Variants in MTCL1 observed in about 807,000 individuals in gnomAD.
MTCL1 encodes the protein microtubule cross-linking factor 1.
In MTCL1, 79 loss-of-function variants were observed where a neutral mutation model predicts 141.4. The ratio of observed to expected loss-of-function variants is 0.56; its 90% CI spans 0.47 to 0.67. The LOEUF is 0.67. Among genes scored for constraint, MTCL1 ranks in the 30% least tolerant of loss-of-function variants. The probability of loss-of-function intolerance (pLI) is 0.00; values close to 1 mark genes in which losing one functional copy is unlikely to be tolerated. For synonymous variants in MTCL1, 914 were observed against 875.8 expected, an observed-to-expected ratio of 1.04 and a Z score of -0.77; for missense variants, 2,177 against 2,113.9, an observed-to-expected ratio of 1.03 and a Z score of -0.59.
At position 8,812,841 on chromosome 18, in the gene MTCL1, A is replaced by C. The variant is rs549319869; in HGVS notation, c.2605-138A>C. 1,256 of 1,108,852 alleles carry C rather than the reference A, an allele frequency of 1.1e-3. 22 individuals carry two copies. The South Asian group carries it at 0.02, about 18-fold the overall frequency. 68.7% of individuals were successfully genotyped at this position (1,108,852 alleles called of 1,614,324 possible). On this transcript the variant is annotated intron_variant, in intron 11 of 16. Transcript: ENST00000359865. ...GCTCTTAATTAGGACTTTAAAAATA[A>C]AATTTGTTTATACTGTGGGATTGGT... is the stretch of plus-strand genomic sequence containing the variant.
intron 4 of MTCL1, among the ~76,000 whole-genome samples, chr18:8,756,487 A>G (rs148888567): frequency 0.011 from 1,619 of 149,736 alleles, 33 homozygotes; most frequent in African/African-American, 0.034. Context: ...ATATGTGTGT[A>G]TATATGTATA....
At chr18:8,758,946 C>G (rs150755352) in intron 4 of MTCL1, among the ~76,000 whole-genome samples, 16 of 152,284 alleles carry the variant, frequency 1.1e-4, no homozygotes, top group African/African-American at 3.9e-4. Flanking sequence ...TTAGTGAAAT[C>G]CAGTTGAAAC....
chr18:8,816,703 C>G (rs972900603), intron 12 of MTCL1, among the ~76,000 whole-genome samples: 8 of 87,048 alleles, frequency 9.2e-5, no homozygotes, highest in Non-Finnish European at 1.6e-4. Context: ...AAACTCCATT[C>G]TTTTAAAACC....
chr18:8,831,756 G>A, exon 17 of MTCL1: 1 of 1,550,420 alleles, frequency 6.4e-7, no homozygotes, highest in Non-Finnish European at 8.7e-7. Flanking sequence ...CGTCCTTGGA[G>A]GAGCATGGTG....
At chr18:8,714,388 A>G (rs974752911), upstream of MTCL1, among the ~76,000 whole-genome samples, 2 of 152,224 alleles carry the variant, frequency 1.3e-5, no homozygotes, top group African/African-American at 4.8e-5. Flanking sequence ...TATGAATTAT[A>G]AGAGCAGTGA....
rs2077032290 is a variant in MTCL1, at chr18:8,826,509, C to T, written c.4722+277C>T. ...TGTCACCAGTCTTAAGTGATTGATC[C>T]TTATTTATCAGGGCATTTTATTTGG... On this transcript the variant is annotated intron_variant, in intron 15 of 16. Coordinates refer to ENST00000359865, the Ensembl canonical transcript of MTCL1. Among the ~76,000 whole-genome samples, 2 of 152,104 alleles carry T rather than the reference C, an allele frequency of 1.3e-5. 1 individual carries two copies. Among genetic ancestry groups the T allele is most frequent in the South Asian group, 4.1e-4 (2 of 4,830 alleles).
chr18:8,711,059 T>C (rs1421897239), intron 1 of MTCL1, among the ~76,000 whole-genome samples: 1 of 151,674 alleles, frequency 6.6e-6, no homozygotes, highest in East Asian at 1.9e-4. Context: ...TCCTCGACAG[T>C]CCCCAGAGTG....
At position 8,824,694 on chromosome 18, in the gene MTCL1, C is replaced by A. The variant is rs201913027; in HGVS notation, c.3189-5C>A. Reference sequence around the variant, plus strand: ...TACTGACACCCTCTTTTCTGCTTTTCCCAGGGCGGTGTCCGTGTCCTCCAT... The same window carrying A: ...TACTGACACCCTCTTTTCTGCTTTTACCAGGGCGGTGTCCGTGTCCTCCAT... On this transcript the variant is annotated splice_region_variant and splice_polypyrimidine_tract_variant and intron_variant, in intron 14 of 16. Coordinates refer to ENST00000359865, the Ensembl canonical transcript of MTCL1. 2 of 1,603,590 alleles carry A rather than the reference C, an allele frequency of 1.2e-6. No individual in the cohort carries two copies. The highest frequency in any genetic ancestry group is 1.3e-5 in the African/African-American group (1 of 74,910).
chr18:8,829,514 G>A (rs945735157), intron 16 of MTCL1: 129 of 953,612 alleles, frequency 1.4e-4, no homozygotes, highest in Non-Finnish European at 1.6e-4. Context: ...ATAAATATTT[G>A]TTGAATGAAT....
chr18:8,723,031 G>A (rs2096183794), intron 4 of MTCL1, among the ~76,000 whole-genome samples: 1 of 152,210 alleles, frequency 6.6e-6, no homozygotes. Flanking sequence ...AGAGAACGGA[G>A]AGGGATCAGC....
chr18:8,784,708 G>A (rs759977675), exon 6 of MTCL1: 3 of 1,614,236 alleles, frequency 1.9e-6, no homozygotes, highest in Middle Eastern at 1.6e-4. Flanking sequence ...TCCTGGAGCA[G>A]GTGAACCGCA....
intron 14 of MTCL1, among the ~76,000 whole-genome samples, chr18:8,824,305 C>T (rs1199117492): frequency 6.6e-6 from 1 of 152,224 alleles, no homozygotes; most frequent in Non-Finnish European, 1.5e-5. Context: ...GGCAGCTTGC[C>T]AAAACCTGGC....
At chr18:8,713,587 C>T (rs1244305314), upstream of MTCL1, among the ~76,000 whole-genome samples, 1 of 152,192 alleles carries the variant, frequency 6.6e-6, no homozygotes, top group Admixed American at 6.5e-5. Context: ...ATAGTTTTTG[C>T]TTTTCAGATG....
chr18:8,806,181 C>T (rs1415760528), intron 10 of MTCL1, among the ~76,000 whole-genome samples: 1 of 152,106 alleles, frequency 6.6e-6, no homozygotes, highest in Non-Finnish European at 1.5e-5. Context: ...CAAGGGACCA[C>T]AATAAAGCCT....
At chr18:8,734,512 T>G (rs2096266582) in intron 4 of MTCL1, among the ~76,000 whole-genome samples, 1 of 152,092 alleles carries the variant, frequency 6.6e-6, no homozygotes, top group Non-Finnish European at 1.5e-5. Context: ...TCTAGCTGAT[T>G]GATGAGATGG....
chr18:8,733,059 G>A (rs1235199900), intron 4 of MTCL1, among the ~76,000 whole-genome samples: 4 of 152,182 alleles, frequency 2.6e-5, no homozygotes, highest in East Asian at 1.9e-4. Flanking sequence ...CAACAGTTGC[G>A]GGTAGACCGT....
At chr18:8,718,708 C>G (rs1189167091) in intron 3 of MTCL1, 60 bp downstream of exon 2, 9 of 1,488,030 alleles carry the variant, frequency 6.0e-6, no homozygotes, top group Non-Finnish European at 4.7e-6. Context: ...TGGCCACATG[C>G]ACGTTGCCCT....
chr18:8,710,888 C>CTTTTTT, intron 1 of MTCL1, among the ~76,000 whole-genome samples: 1 of 80,934 alleles, frequency 1.2e-5, no homozygotes, highest in Non-Finnish European at 2.2e-5. Context: ...TTTTTTTTTA[C>CTTTTTT]TTTTTTTTTT....
chr18:8,809,393 A>C, intron 11 of MTCL1: 1 of 1,521,736 alleles, frequency 6.6e-7, no homozygotes, highest in Non-Finnish European at 8.8e-7. Context: ...TTTGAAAGGA[A>C]GTATGGAATG....
Sources: allele counts gnomAD v4.1 joint callset (sites outside exome capture counted in the v4.1 genomes callset), GRCh38; gene constraint gnomAD v4.1.1; transcripts MANE v1.5; gene names NCBI Gene and HGNC (gene_info 2026-07-23, HGNC 2026-07-21).